The following DLG2 variants were observed in gnomAD, a reference collection of about 807,000 sequenced individuals.
The protein encoded by DLG2 is disks large homolog 2.
DLG2 carries 45 observed loss-of-function variants against 132.5 expected under a neutral mutation model. The observed-to-expected ratio is 0.34, with a 90% confidence interval of 0.27 to 0.44. The LOEUF is 0.44. Among genes scored for constraint, DLG2 ranks in the 20% least tolerant of loss-of-function variants. DLG2 has a pLI of 1.00. For missense variants in DLG2, 1,045 were observed against 1,196.9 expected, an observed-to-expected ratio of 0.87 and a Z score of 1.87; for synonymous variants, 424 against 419.6, an observed-to-expected ratio of 1.01 and a Z score of -0.13.
chr11:84,447,663 TTTTA>T (rs1029976765), intron 7 of DLG2, among the ~76,000 whole-genome samples: 4 of 152,086 alleles, frequency 2.6e-5, no homozygotes, highest in South Asian at 4.2e-4. Context: ...CTTTTCTAAG[TTTTA>T]TTTATTTATT....
At chr11:84,424,254 G>T (rs2098959583) in intron 7 of DLG2, among the ~76,000 whole-genome samples, 1 of 152,074 alleles carries the variant, frequency 6.6e-6, no homozygotes, top group African/African-American at 2.4e-5. Flanking sequence ...CTATATTAGG[G>T]CAGAAATGTG....
In DLG2 at chr11:85,414,975, A is replaced by G. The variant is rs147732646; in HGVS notation, c.41-129610T>C. Among the ~76,000 whole-genome samples the G allele has an allele frequency of 5.3e-5, 8 of 152,106 alleles. No individual in the cohort carries two copies. In the East Asian group the frequency reaches 1.5e-3, roughly 29 times the overall value. ...TGCTGCACTCACCAACTGGTCATCTACATGAGGTATTTCTCTTAATGCTAT... is the reference window on the plus strand; with the variant it reads ...TGCTGCACTCACCAACTGGTCATCTGCATGAGGTATTTCTCTTAATGCTAT... On this transcript the variant is annotated intron_variant, in intron 3 of 27. Transcript: ENST00000376104.
chr11:85,417,216 C>G (rs2089942750), intron 3 of DLG2, among the ~76,000 whole-genome samples: 1 of 152,002 alleles, frequency 6.6e-6, no homozygotes, highest in Non-Finnish European at 1.5e-5. Flanking sequence ...TGGTTTTTGT[C>G]TTTGGTTCTG....
chr11:85,139,513 TG>T (rs1310778851), intron 5 of DLG2, among the ~76,000 whole-genome samples: 13 of 152,046 alleles, frequency 8.6e-5, no homozygotes, highest in African/African-American at 3.1e-4. Context: ...TAAATTGTAT[TG>T]GGAATAATTA....
chr11:84,588,687 C>G lies in DLG2; in HGVS notation c.358-53956G>C, dbSNP rs544183356. 5.3e-5 allele frequency among the ~76,000 whole-genome samples: 8 copies of G among 151,188 alleles called. No individual in the cohort carries two copies. The South Asian group carries it at 1.7e-3, about 32-fold the overall frequency. Reference sequence around the variant, plus strand: ...TAAGATAGGAGGTTGGCACAAGATACAGGTCATAAAGACCTTGCTGATAAG... The same window carrying G: ...TAAGATAGGAGGTTGGCACAAGATAGAGGTCATAAAGACCTTGCTGATAAG... On this transcript the variant is annotated intron_variant, in intron 6 of 27. Transcript: ENST00000376104.
chr11:84,296,782 A>C (rs7102035), intron 7 of DLG2, among the ~76,000 whole-genome samples: 24,871 of 152,102 alleles, frequency 0.16, 2,305 homozygotes, highest in African/African-American at 0.23. Flanking sequence ...TAATATGCTC[A>C]AAAAAGCTAA....
At chr11:85,333,698 G>C (rs1297782598) in intron 3 of DLG2, among the ~76,000 whole-genome samples, 1 of 152,068 alleles carries the variant, frequency 6.6e-6, no homozygotes, top group Admixed American at 6.6e-5. Context: ...TGTGGTTTTT[G>C]GTTTTAGTTC....
At chr11:83,486,244 T>C in intron 21 of DLG2, 2 of 689,134 alleles carry the variant, frequency 2.9e-6, no homozygotes, top group Non-Finnish European at 5.3e-6. Context: ...ATATTTAAAC[T>C]CCAGTAACTG....
At chr11:83,900,205 G>A (rs922926048) in intron 15 of DLG2, among the ~76,000 whole-genome samples, 3 of 152,154 alleles carry the variant, frequency 2.0e-5, no homozygotes, top group African/African-American at 7.2e-5. Context: ...AAGATACTCA[G>A]TTTTATAAGG....
intron 2 of DLG2, among the ~76,000 whole-genome samples, chr11:85,605,334 ATT>A (rs1565750011): frequency 2.7e-5 from 4 of 150,838 alleles, no homozygotes; most frequent in Non-Finnish European, 4.4e-5. Context: ...AGATGAGCAT[ATT>A]TTTATGGAAA....
intron 9 of DLG2, among the ~76,000 whole-genome samples, chr11:84,135,057 A>G (rs190287563): frequency 5.9e-5 from 9 of 152,214 alleles, no homozygotes; most frequent in African/African-American, 1.7e-4. Context: ...TTACTTATCT[A>G]TTAGGTTAGT....
intron 15 of DLG2, among the ~76,000 whole-genome samples, chr11:83,900,379 T>C (rs2073077794): frequency 6.6e-6 from 1 of 152,180 alleles, no homozygotes; most frequent in South Asian, 2.1e-4. Context: ...CTAGGGCATG[T>C]CAGAGGTCTT....
chr11:85,079,787 C>A (rs529314586), intron 6 of DLG2, among the ~76,000 whole-genome samples: 6 of 152,060 alleles, frequency 3.9e-5, no homozygotes, highest in Non-Finnish European at 7.4e-5. Context: ...TGTGCCACCA[C>A]GCCTGGCTAA....
intron 15 of DLG2, among the ~76,000 whole-genome samples, chr11:83,913,080 G>A (rs1459352702): frequency 6.6e-6 from 1 of 152,062 alleles, no homozygotes; most frequent in East Asian, 1.9e-4. Context: ...GTGTTTGTGT[G>A]TGTGTAAACA....
intron 3 of DLG2, among the ~76,000 whole-genome samples, chr11:85,546,300 T>C (rs1043238277): frequency 6.6e-6 from 1 of 152,320 alleles, no homozygotes; most frequent in South Asian, 2.1e-4. Context: ...GTTGTGTGAT[T>C]TTTGAGTGAG....
chr11:84,388,214 A>G (rs2098778853), intron 7 of DLG2, among the ~76,000 whole-genome samples: 2 of 152,310 alleles, frequency 1.3e-5, no homozygotes, highest in Admixed American at 6.5e-5. Context: ...GGGAAGTACC[A>G]TAAGTAGAGG....
At chr11:84,716,548 GA>G (rs1257440060) in intron 6 of DLG2, among the ~76,000 whole-genome samples, 2 of 151,852 alleles carry the variant, frequency 1.3e-5, no homozygotes, top group Non-Finnish European at 2.9e-5. Context: ...TGTGGATGGA[GA>G]AAACAGTTAA....
At chr11:83,788,212 G>C (rs939239053) in intron 17 of DLG2, among the ~76,000 whole-genome samples, 1 of 152,158 alleles carries the variant, frequency 6.6e-6, no homozygotes, top group African/African-American at 2.4e-5. Flanking sequence ...TTACTACTTT[G>C]TTTCCCCATC....
intron 3 of DLG2, among the ~76,000 whole-genome samples, chr11:85,586,676 A>T (rs2078993034): frequency 6.6e-6 from 1 of 150,862 alleles, no homozygotes; most frequent in African/African-American, 2.4e-5. Context: ...TCTCTTTTGT[A>T]TTTTTTTGTT....
Sources: gnomAD v4.1 joint callset for allele counts (sites outside exome capture counted in the v4.1 genomes callset) on GRCh38, gnomAD v4.1.1 for gene constraint, MANE v1.5 for transcripts, NCBI Gene and HGNC (gene_info 2026-07-23, HGNC 2026-07-21) for gene names.